HGF: variants seen among roughly 807,000 people sequenced by gnomAD.
HGF encodes hepatocyte growth factor.
Under a neutral mutation model 111.6 loss-of-function variants are expected in HGF, and 39 were observed. That is an observed-to-expected ratio of 0.35 (90% confidence interval 0.27 to 0.46). The LOEUF (loss-of-function observed/expected upper bound fraction) is 0.46. Among genes scored for constraint, HGF ranks in the 20% least tolerant of loss-of-function variants. The pLI, the probability that HGF is intolerant of heterozygous loss-of-function variation, is 1.00. For missense variants in HGF, 735 were observed against 910.5 expected, an observed-to-expected ratio of 0.81 and a Z score of 2.48; for synonymous variants, 285 against 294.8, an observed-to-expected ratio of 0.97 and a Z score of 0.34.
At chr7:81,761,659 C>T (rs570643987) in intron 2 of HGF, among the ~76,000 whole-genome samples, 94 of 151,972 alleles carry the variant, frequency 6.2e-4, no homozygotes, top group African/African-American at 2.2e-3. Flanking sequence ...GTTTAGGAGA[C>T]GATTCGAATG....
At position 81,699,111 on chromosome 7, in the gene HGF, T is replaced by C. The variant is rs1789216636; in HGVS notation, c.*3470A>G. 6.6e-6 allele frequency: 1 copy of C among 151,484 alleles called. No individual in the cohort carries two copies. Among genetic ancestry groups the C allele is most frequent in the African/African-American group, 2.4e-5 (1 of 41,402 alleles). 9.4% of individuals were successfully genotyped at this position (151,484 alleles called of 1,614,324 possible). On this transcript the variant is annotated 3_prime_UTR_variant, in exon 18 of 18. Transcript: ENST00000222390. Reference sequence around the variant, plus strand: ...TTTATAATACAAGTCATAACCACAGTGTTCCCTTTTTTGGGTAAGCATACA... The same window carrying C: ...TTTATAATACAAGTCATAACCACAGCGTTCCCTTTTTTGGGTAAGCATACA...
chr7:81,725,375 A>T lies in HGF; in HGVS notation c.1168+515T>A, dbSNP rs1184093007. ...ACCATTTGCATTTGCAGTTTTCTTTATCTAGAATACTCTTACACATATATG... is the reference window on the plus strand; with the variant it reads ...ACCATTTGCATTTGCAGTTTTCTTTTTCTAGAATACTCTTACACATATATG... On this transcript the variant is annotated intron_variant, in intron 9 of 17. Transcript: ENST00000222390. Among the ~76,000 whole-genome samples, 65 of 152,086 alleles carry T rather than the reference A, an allele frequency of 4.3e-4. 1 individual carries two copies.
chr7:81,706,318 C>T lies in HGF; in HGVS notation c.1726G>A (p.Gly576Arg), dbSNP rs1789425132. Reference sequence around the variant, plus strand: ...AGCTTCATTAAAACCAGATCTGATCCTTCAGGGCCATATACCAGCTGGGAA... The same window carrying T: ...AGCTTCATTAAAACCAGATCTGATCTTTCAGGGCCATATACCAGCTGGGAA... ...NVSQLVYGPE[G>R]SDLVLMKLAR... Residue 576 changes from glycine (G) to arginine (R), a missense_variant, in exon 15 of 18, where the codon GGA becomes AGA. Transcript: ENST00000222390. 2.5e-6 allele frequency: 4 copies of T among 1,612,792 alleles called. No homozygotes were observed. Among genetic ancestry groups the T allele is most frequent in the Non-Finnish European group, 2.5e-6 (3 of 1,179,164 alleles).
chr7:81,710,083 T>G, intron 13 of HGF, 64 bp downstream of exon 13: 1 of 1,122,510 alleles, frequency 8.9e-7, no homozygotes, highest in Middle Eastern at 2.0e-4. Context: ...TGTCCATATT[T>G]CTGGGAATAG....
intron 1 of HGF, among the ~76,000 whole-genome samples, chr7:81,768,467 C>T (rs1285844411): frequency 2.6e-5 from 4 of 152,058 alleles, no homozygotes; most frequent in African/African-American, 4.8e-5. Context: ...GCAACCCCCA[C>T]CTCCCAGGTT....
intron 4 of HGF, 73 bp downstream of exon 4, chr7:81,757,116 G>A: frequency 1.2e-6 from 1 of 816,400 alleles, no homozygotes; most frequent in South Asian, 1.4e-5. Flanking sequence ...GAATTATTCT[G>A]AAGGACTAAT....
intron 8 of HGF, among the ~76,000 whole-genome samples, chr7:81,728,154 C>G (rs2115920580): frequency 6.6e-6 from 1 of 152,242 alleles, no homozygotes; most frequent in African/African-American, 2.4e-5. Flanking sequence ...AAATCAATGT[C>G]CTGAGAAAAA....
At chr7:81,754,748 A>G (rs566203145) in intron 4 of HGF, among the ~76,000 whole-genome samples, 12 of 151,996 alleles carry the variant, frequency 7.9e-5, no homozygotes, top group Admixed American at 2.0e-4. Context: ...TAGTGTCCCA[A>G]TGTATTTCCC....
chr7:81,763,222 C>G (rs5745627), intron 1 of HGF, among the ~76,000 whole-genome samples: 3,250 of 152,190 alleles, frequency 0.021, 47 homozygotes, highest in Middle Eastern at 0.044. Flanking sequence ...TCATATCATG[C>G]TTTATAATTA....
intron 7 of HGF, among the ~76,000 whole-genome samples, chr7:81,735,390 G>C (rs1265701671): frequency 3.9e-5 from 6 of 151,978 alleles, no homozygotes; most frequent in Non-Finnish European, 7.4e-5. Flanking sequence ...TTTTTCCCTT[G>C]AAAAAGGGTA....
At chr7:81,706,683 C>T (rs529469695) in intron 14 of HGF, among the ~76,000 whole-genome samples, 2 of 151,924 alleles carry the variant, frequency 1.3e-5, no homozygotes, top group Non-Finnish European at 2.9e-5. Context: ...CTAGAAGTCA[C>T]TTGTGAAAAA....
Position 81,705,659 on chromosome 7 carries a change from C to G in HGF, c.1852G>C (p.Gly618Arg), listed in dbSNP as rs2115765051. The G allele has an allele frequency of 6.2e-7, 1 of 1,608,470 alleles. No homozygotes were observed. The highest frequency in any genetic ancestry group is 2.2e-5 in the East Asian group (1 of 44,788). Residue 618 changes from glycine (G) to arginine (R), a missense_variant, in exon 16 of 18, where the codon GGC (glycine) becomes CGC (arginine). Around this residue, in one of 3 missense-constraint regions of HGF, gnomAD observed 130 missense variants for 129.9 expected, o/e 1.00. Transcript: ENST00000222390. ...EKTSCSVYGW[G>R]YTGLINYDGL... ...AAAACTAGCTTACATCCAGTGTAGC[C>G]CCAGCCATAAACACTGCAACTGGTC... is the stretch of plus-strand genomic sequence containing the variant.
chr7:81,764,354 C>A (rs1435178047), intron 1 of HGF, among the ~76,000 whole-genome samples: 2 of 152,102 alleles, frequency 1.3e-5, no homozygotes, highest in Non-Finnish European at 2.9e-5. Flanking sequence ...CTCCAAAAGA[C>A]AATACTAATT....
intron 8 of HGF, among the ~76,000 whole-genome samples, chr7:81,726,993 A>G (rs1790029090): frequency 6.6e-6 from 1 of 151,600 alleles, no homozygotes; most frequent in Non-Finnish European, 1.5e-5. Flanking sequence ...TAGAAGTACT[A>G]TTATACAATT....
intron 10 of HGF, among the ~76,000 whole-genome samples, chr7:81,719,742 G>C (rs918961084): frequency 2.6e-5 from 4 of 152,038 alleles, no homozygotes; most frequent in African/African-American, 9.7e-5. Flanking sequence ...CATTATTTTA[G>C]AACTATCCTT....
At chr7:81,734,620 G>C (rs1180074391) in intron 7 of HGF, among the ~76,000 whole-genome samples, 1 of 152,112 alleles carries the variant, frequency 6.6e-6, no homozygotes, top group African/African-American at 2.4e-5. Flanking sequence ...AAGAGAACAA[G>C]ATCACTAATT....
intron 5 of HGF, among the ~76,000 whole-genome samples, chr7:81,747,474 A>C (rs555010845): frequency 6.6e-6 from 1 of 152,370 alleles, no homozygotes; most frequent in East Asian, 1.9e-4. Flanking sequence ...CAGAAGCATA[A>C]GTATACTATG....
At chr7:81,730,048 A>G (rs1448001680) in intron 7 of HGF, among the ~76,000 whole-genome samples, 1 of 152,196 alleles carries the variant, frequency 6.6e-6, no homozygotes, top group Admixed American at 6.5e-5. Flanking sequence ...ATATATGCTG[A>G]ATATATAGTG....
At chr7:81,745,219 T>A (rs1160941078) in intron 5 of HGF, 99 bp from the exon 6 acceptor site, 15 of 1,293,614 alleles carry the variant, frequency 1.2e-5, no homozygotes, top group Non-Finnish European at 1.5e-5. Flanking sequence ...GTAAACAGAT[T>A]TTTAAAAAAT....
Sources: allele counts gnomAD v4.1 joint callset (sites outside exome capture counted in the v4.1 genomes callset), GRCh38; gene constraint gnomAD v4.1.1; regional missense constraint gnomAD v4.1.1; transcripts MANE v1.5; gene names NCBI Gene and HGNC (gene_info 2026-07-23, HGNC 2026-07-21).